The following CROCC variants were observed in gnomAD, a reference collection of about 807,000 sequenced individuals.
The protein encoded by CROCC is ciliary rootlet coiled-coil, rootletin, also known as rootletin.
A neutral mutation model predicts 245.2 loss-of-function variants in CROCC; 180 were observed. The observed-to-expected ratio is 0.73, with a 90% CI of 0.65 to 0.83. The LOEUF (loss-of-function observed/expected upper bound fraction) is 0.83, where lower values mean the gene tolerates loss of function less well. Ranked by LOEUF, CROCC falls within the 40% of genes least tolerant of loss-of-function variation. The probability of loss-of-function intolerance (pLI) is 0.00; values close to 1 mark genes in which losing one functional copy is unlikely to be tolerated. For synonymous variants in CROCC, 1,205 were observed against 1,241.6 expected (o/e 0.97, Z 0.62); for missense variants, 2,688 against 2,779.4 (o/e 0.97, Z 0.74).
chr1:16,948,307 A>G (rs1234470927), intron 17 of CROCC, 24 bp from the exon 18 acceptor site: 51 of 1,538,944 alleles, frequency 3.3e-5, no homozygotes, highest in Non-Finnish European at 4.3e-5. Flanking sequence ...TGGGAGTGCT[A>G]CTCAGTCTCT....
rs1019811496 is a variant in CROCC, at chr1:16,954,904, C to A, written c.3465+27C>A. ...TGAGCAGCCGCCCCCCTCTTCCAAG[C>A]AGCATACCCTAAATGGCACTGTGTG... On this transcript the variant is annotated intron_variant, in intron 23 of 36. Transcript: ENST00000375541. The surrounding 1 kb of genome is among the most constrained non-coding windows in gnomAD (Gnocchi z 4.4). The A allele has an allele frequency of 2.0e-6, 3 of 1,504,144 alleles. No individual in the cohort carries two copies. Among genetic ancestry groups the A allele is most frequent in the Middle Eastern group, 1.7e-4 (1 of 5,786 alleles). The allele number at this position is 1,504,144 out of a possible 1,614,324, so 93.2% of individuals were successfully genotyped here. A position where few individuals can be genotyped will look rare whatever the true frequency, so the allele number is the denominator to read the frequency against.
Position 16,953,371 on chromosome 1 carries a change from G to A in CROCC, c.3076G>A (p.Glu1026Lys). 1 of 1,610,050 alleles carries A rather than the reference G, an allele frequency of 6.2e-7. No homozygotes were observed. Among genetic ancestry groups the A allele is most frequent in the Non-Finnish European group, 8.5e-7 (1 of 1,179,514 alleles). Residue 1026 changes from glutamate (E) to lysine (K), a missense_variant, in exon 21 of 37, where the codon GAG becomes AAG. Glu to Lys is a moderately conservative substitution (Grantham distance 56, BLOSUM62 1). Coordinates refer to ENST00000375541, the MANE Select transcript of CROCC (RefSeq NM_014675.5). The stretch of plus-strand genomic sequence containing the variant: ...GAGTCAGCTGCAGCGTGAGCAGGAG[G>A]AGCTGCTGGCCCGGCTGGAGGCTGA... ...LQSQLQREQE[E>K]LLARLEAEKE...
At position 16,970,038 on chromosome 1, in the gene CROCC, C is replaced by T. The variant is rs2076488947; in HGVS notation, c.5451+104C>T. 6 of 1,397,196 alleles carry T rather than the reference C, an allele frequency of 4.3e-6. No homozygotes were observed. In the Middle Eastern group the frequency reaches 1.2e-3, roughly 276 times the overall value. 86.5% of individuals were successfully genotyped at this position (1,397,196 alleles called of 1,614,324 possible). ...AACCTCATCCCAAACCCTGGTGCAG[C>T]CTCCAGTAAGGAAACATGGTTCATT... On this transcript the variant is annotated intron_variant, in intron 33 of 36. Coordinates refer to ENST00000375541, the MANE Select transcript of CROCC (RefSeq NM_014675.5).
At chr1:16,924,512 G>GGA in intron 3 of CROCC, 33 bp downstream of exon 3, 1 of 1,601,074 alleles carries the variant, frequency 6.2e-7, no homozygotes. Context: ...ACTAGGCCAG[G>GGA]GTTCCCCTCG....
intron 3 of CROCC, among the ~76,000 whole-genome samples, chr1:16,929,567 T>A (rs1441566373): frequency 7.7e-4 from 118 of 152,298 alleles, no homozygotes; most frequent in African/African-American, 2.7e-3. Flanking sequence ...CCCCTGAGGT[T>A]GACCCAGGTG....
intron 11 of CROCC, among the ~76,000 whole-genome samples, 167 bp from the exon 12 acceptor site, chr1:16,938,742 G>A (rs1350709691): frequency 6.6e-6 from 1 of 152,288 alleles, no homozygotes; most frequent in Non-Finnish European, 1.5e-5. Flanking sequence ...AGGCCTCAGC[G>A]GCGAGCCGAG....
At position 16,960,843 on chromosome 1, in the gene CROCC, C is replaced by G; in HGVS notation, c.4118C>G (p.Ala1373Gly). Residue 1373 changes from alanine to glycine, a missense_variant, in exon 27 of 37, where the codon GCG (alanine) becomes GGG (glycine). Ala to Gly is a moderately conservative substitution (Grantham distance 60). Transcript: ENST00000375541. ...CGCCTGCTGGGCTCCCTGGAGGAGG[C>G]GCGTGGCACTGAAAAGCAGCAGCTG... is the stretch of plus-strand genomic sequence containing the variant. ...ERRLLGSLEEARGTEKQQLDH... is the reference protein window; with the variant it reads ...ERRLLGSLEEGRGTEKQQLDH... 6 of 1,516,898 alleles carry G rather than the reference C, an allele frequency of 4.0e-6. No individual in the cohort carries two copies. Among genetic ancestry groups the G allele is most frequent in the Non-Finnish European group, 5.3e-6 (6 of 1,138,734 alleles). The allele number at this position is 1,516,898 out of a possible 1,614,324, so 94.0% of individuals were successfully genotyped here.
At chr1:16,968,493 C>A in intron 31 of CROCC, 75 bp downstream of exon 31, 1 of 1,366,220 alleles carries the variant, frequency 7.3e-7, no homozygotes, top group Non-Finnish European at 9.6e-7. Flanking sequence ...CTACGCAGTC[C>A]CCCAACAACC....
rs1347155546 is a variant in CROCC, at chr1:16,966,654, T to G, written c.4860+83T>G. 2 of 1,393,324 alleles carry G rather than the reference T, an allele frequency of 1.4e-6. No homozygotes were observed. Among genetic ancestry groups the G allele is most frequent in the Admixed American group, 3.0e-5 (1 of 33,838 alleles). 86.3% of individuals were successfully genotyped at this position (1,393,324 alleles called of 1,614,324 possible). On this transcript the variant is annotated intron_variant, in intron 30 of 36. Transcript: ENST00000375541. The surrounding 1 kb of genome is among the most constrained non-coding windows in gnomAD (Gnocchi z 4.8). ...TCTAACTCTTATGTGTGTCTCCCTG[T>G]GTCTGTCTGCCTGAGTCTCTCTGCA...
upstream of CROCC, among the ~76,000 whole-genome samples, chr1:16,919,574 A>T (rs1252093717): frequency 1.3e-5 from 2 of 152,254 alleles, no homozygotes; most frequent in Admixed American, 1.3e-4. Flanking sequence ...ACTTCAGGAG[A>T]CTTGTGTCTT....
chr1:16,950,940 T>C lies in CROCC; in HGVS notation c.2837-13T>C. ...AACCCAACCCTGCCCTTTCCCCCAT[T>C]CCTCTCGTGCAGGGGAGTTGGCGGG... On this transcript the variant is annotated splice_polypyrimidine_tract_variant and intron_variant, in intron 19 of 36. Coordinates refer to ENST00000375541, the MANE Select transcript of CROCC (RefSeq NM_014675.5). The C allele has an allele frequency of 6.6e-7, 1 of 1,513,718 alleles. No individual in the cohort carries two copies. Among genetic ancestry groups the C allele is most frequent in the Non-Finnish European group, 8.9e-7 (1 of 1,128,580 alleles). The allele number at this position is 1,513,718 out of a possible 1,614,324, so 93.8% of individuals were successfully genotyped here. A position where few individuals can be genotyped will look rare whatever the true frequency, so the allele number is the denominator to read the frequency against.
At chr1:16,968,100 C>T (rs2076448197) in intron 30 of CROCC, 103 bp from the exon 31 acceptor site, 4 of 1,221,024 alleles carry the variant, frequency 3.3e-6, no homozygotes, top group Admixed American at 2.0e-5. Context: ...GTAGGTCACC[C>T]TTCGAGGCTG....
chr1:16,916,924 C>T (rs1158588458), intron 1 of CROCC, among the ~76,000 whole-genome samples: 1 of 152,292 alleles, frequency 6.6e-6, no homozygotes, highest in East Asian at 1.9e-4. Flanking sequence ...TTGAGACCAG[C>T]CTGGCCAACA....
At position 16,958,682 on chromosome 1, in the gene CROCC, C is replaced by T. The variant is rs774840872; in HGVS notation, c.3964C>T (p.Arg1322Trp). 1.5e-5 allele frequency: 23 copies of T among 1,557,212 alleles called. No individual in the cohort carries two copies. In the East Asian group the frequency reaches 5.0e-4, roughly 34 times the overall value. The change falls in exon 26 of 37, where the codon CGG becomes TGG. Residue 1322 changes from arginine to tryptophan, a missense_variant. Arg to Trp is a moderately radical substitution (Grantham distance 101). Transcript: ENST00000375541. ...LGERAEKESR[R>W]ETLGLRQRLL... ...CGAGCGGGCAGAGAAGGAGAGCAGG[C>T]GGGAGACCCTGGGCCTCCGGCAGAG...
At chr1:16,920,789 G>A (rs1478237091), upstream of CROCC, among the ~76,000 whole-genome samples, 2 of 147,496 alleles carry the variant, frequency 1.4e-5, no homozygotes, top group African/African-American at 5.0e-5. Flanking sequence ...TGTTGCCCAG[G>A]CTGGAGTGCA....
chr1:16,921,454 G>C (rs2100306487), upstream of CROCC, among the ~76,000 whole-genome samples: 1 of 152,402 alleles, frequency 6.6e-6, no homozygotes, highest in East Asian at 1.9e-4. Flanking sequence ...GCCTGGCCTG[G>C]GTGATCTCAC....
rs776568599 is a variant in CROCC at position 16,948,421 on chromosome 1, C to T, written c.2605C>T (p.Arg869Cys). 72 of 1,571,986 alleles carry T rather than the reference C, an allele frequency of 4.6e-5. No individual in the cohort carries two copies. Among genetic ancestry groups the T allele is most frequent in the East Asian group, 1.1e-4 (5 of 43,530 alleles). The part of the protein sequence containing the change: ...RQVEALERAA[R>C]EKEALAKEHA... ...AGTGGAGGCGCTGGAGCGAGCGGCC[C>T]GTGAGAAGGAGGCGCTAGCCAAGGA... Residue 869 changes from arginine to cysteine, a missense_variant, in exon 18 of 37, where the codon CGT becomes TGT. By Grantham distance (180) the Arg-to-Cys change is radical (BLOSUM62 -3). Around this residue, in one of 9 missense-constraint regions of CROCC, gnomAD observed 295 missense variants for 241.7 expected, o/e 1.22. Transcript: ENST00000375541.
Position 16,939,179 on chromosome 1 carries a change from G to C in CROCC, c.1608+37G>C, listed in dbSNP as rs1480657056. 1.0e-5 allele frequency: 14 copies of C among 1,404,956 alleles called. No individual in the cohort carries two copies. In the South Asian group the frequency reaches 1.3e-4, roughly 13 times the overall value. The allele number at this position is 1,404,956 out of a possible 1,614,324, so 87.0% of individuals were successfully genotyped here. On this transcript the variant is annotated intron_variant, in intron 12 of 36. Transcript: ENST00000375541. ...CTTGAGCGTTCTGGGCGCAGCCAGA[G>C]GCCTGGGGGAGGGGCTCGCGCCCTC...
In CROCC at chr1:16,962,736, A is replaced by AT. The variant is rs869142735; in HGVS notation, c.4405+1618dup. Among the ~76,000 whole-genome samples, 836 of 140,164 alleles carry AT rather than the reference A, an allele frequency of 6.0e-3. 7 individuals are homozygous for AT. The highest frequency in any genetic ancestry group is 0.019 in the African/African-American group (736 of 38,350). The allele number at this position is 140,164 out of a possible 152,430, so 92.0% of individuals were successfully genotyped here. ...TAAATATACATATATATATATGTAT[A>AT]TTTTTTTTTTTTAGGAGAGATGGGG... On this transcript the variant is annotated intron_variant, in intron 27 of 36. Transcript: ENST00000375541.
Sources: allele counts gnomAD v4.1 joint callset (sites outside exome capture counted in the v4.1 genomes callset), GRCh38; gene constraint gnomAD v4.1.1; regional missense constraint gnomAD v4.1.1; non-coding constraint Gnocchi (gnomAD v3.1); transcripts MANE v1.5; gene names NCBI Gene and HGNC (gene_info 2026-07-23, HGNC 2026-07-21).